The following ATXN7L1 variants were observed in gnomAD, a reference collection of about 807,000 sequenced individuals.
ATXN7L1 encodes the protein ataxin-7-like protein 1.
Under a neutral mutation model 70.8 loss-of-function variants are expected in ATXN7L1, and 15 were observed. The ratio of observed to expected loss-of-function variants is 0.21; its 90% CI spans 0.14 to 0.33. The LOEUF (loss-of-function observed/expected upper bound fraction) is 0.33. Among genes scored for constraint, ATXN7L1 ranks in the 10% least tolerant of loss-of-function variants. The pLI is 1.00. For missense variants in ATXN7L1, 975 were observed against 1,097.1 expected (o/e 0.89, Z 1.57); for synonymous variants, 440 against 445.1 (o/e 0.99, Z 0.14).
chr7:105,623,659 G>T lies in ATXN7L1; in HGVS notation c.1395+416C>A, dbSNP rs1313939052. 2.0e-5 allele frequency among the ~76,000 whole-genome samples: 3 copies of T among 152,130 alleles called. No individual in the cohort carries two copies. In the East Asian group the frequency reaches 5.8e-4, roughly 29 times the overall value. On this transcript the variant is annotated intron_variant, in intron 8 of 11. Transcript: ENST00000419735. The stretch of plus-strand genomic sequence containing the variant: ...AACAAGGGCTGGCCCCTGACACGCT[G>T]CTAAGACAGTTTCCAGAGTAGGTGA...
At chr7:105,656,734 C>G (rs1258735639) in intron 4 of ATXN7L1, among the ~76,000 whole-genome samples, 2 of 152,170 alleles carry the variant, frequency 1.3e-5, no homozygotes, top group Admixed American at 6.5e-5. Context: ...CTACACTCGG[C>G]TAATTTTTGT....
At chr7:105,739,841 C>T (rs1389323378) in intron 3 of ATXN7L1, among the ~76,000 whole-genome samples, 1 of 152,186 alleles carries the variant, frequency 6.6e-6, no homozygotes, top group Non-Finnish European at 1.5e-5. Flanking sequence ...TAGGTCTTTT[C>T]CTCTACTATT....
At chr7:105,829,463 AAAC>A (rs372938947) in intron 2 of ATXN7L1, among the ~76,000 whole-genome samples, 2 of 152,064 alleles carry the variant, frequency 1.3e-5, no homozygotes, top group African/African-American at 2.4e-5. Context: ...AAAAACAAAC[AAAC>A]AACAACAACA....
At chr7:105,838,271 G>A (rs761382787) in intron 2 of ATXN7L1, among the ~76,000 whole-genome samples, 10 of 152,226 alleles carry the variant, frequency 6.6e-5, no homozygotes, top group Non-Finnish European at 1.0e-4. Flanking sequence ...AGAAGGCTTC[G>A]GCTGAGCATG....
In ATXN7L1 at chr7:105,856,586, C is replaced by CAA. The variant is rs375731226; in HGVS notation, c.250+19224_250+19225dup. 2.6e-3 allele frequency among the ~76,000 whole-genome samples: 212 copies of CAA among 80,196 alleles called. 2 individuals are homozygous for CAA. Among genetic ancestry groups the CAA allele is most frequent in the Middle Eastern group, 0.014 (2 of 146 alleles). 52.6% of individuals were successfully genotyped at this position (80,196 alleles called of 152,430 possible). A position where few individuals can be genotyped will look rare whatever the true frequency, so the allele number is the denominator to read the frequency against. On this transcript the variant is annotated intron_variant, in intron 2 of 11. Coordinates refer to ENST00000419735, the MANE Select transcript of ATXN7L1 (RefSeq NM_020725.2). ...GGGCAACAAGAGTGAGACTCAGTCT[C>CAA]AAAAAAAAAAAAAAAAAGAATTTAA...
At chr7:105,728,117 G>T (rs1045719218) in intron 3 of ATXN7L1, among the ~76,000 whole-genome samples, 6 of 152,012 alleles carry the variant, frequency 3.9e-5, no homozygotes, top group African/African-American at 9.7e-5. Context: ...AAATTAAAAG[G>T]TATTTCCTTA....
At position 105,607,680 on chromosome 7, in the gene ATXN7L1, T is replaced by C. The variant is rs2115688241; in HGVS notation, c.*172A>G. On this transcript the variant is annotated 3_prime_UTR_variant, in exon 12 of 12. Transcript: ENST00000419735. ...ATCTCAAATTCACCTTCTTTTGCCT[T>C]TTTAACTAAAAATTGGTCAATTAAA... is the stretch of plus-strand genomic sequence containing the variant. 1 of 595,520 alleles carries C rather than the reference T, an allele frequency of 1.7e-6. No homozygotes were observed. The highest frequency in any genetic ancestry group is 2.8e-5 in the East Asian group (1 of 35,984). The allele number at this position is 595,520 out of a possible 1,614,324, so 36.9% of individuals were successfully genotyped here.
chr7:105,765,592 C>G (rs1801145711), intron 3 of ATXN7L1, among the ~76,000 whole-genome samples: 1 of 152,164 alleles, frequency 6.6e-6, no homozygotes. Flanking sequence ...GCTCATTAAA[C>G]TACTAATTGG....
chr7:105,876,378 T>C lies in ATXN7L1; in HGVS notation c.181A>G (p.Asn61Asp). 6.2e-7 allele frequency: 1 copy of C among 1,602,856 alleles called. No individual in the cohort carries two copies. The highest frequency in any genetic ancestry group is 8.5e-7 in the Non-Finnish European group (1 of 1,174,168). Residue 61 changes from asparagine to aspartate, a missense_variant and splice_region_variant, in exon 1 of 12, where the codon AAT (asparagine) becomes GAT (aspartate). By Grantham distance (23) the Asn-to-Asp change is conservative (BLOSUM62 1). Transcript: ENST00000419735. ...GAGGAGGAGGTGGTGGGGTTCTTAC[T>C]GTCGGAGCAGTGTAATTTGGCGGCG... ...IDAAKLHCSD[N>D]VDLEEAGKEG...
At chr7:105,730,589 G>T (rs1249266601) in intron 3 of ATXN7L1, among the ~76,000 whole-genome samples, 1 of 152,006 alleles carries the variant, frequency 6.6e-6, no homozygotes, top group South Asian at 2.1e-4. Flanking sequence ...AAAATTAGCT[G>T]GGCGTGGTGG....
intron 2 of ATXN7L1, among the ~76,000 whole-genome samples, chr7:105,859,985 G>A (rs1424159513): frequency 6.7e-6 from 1 of 149,956 alleles, no homozygotes. Flanking sequence ...GTTTCACCAT[G>A]TTGGCCAGGC....
intron 4 of ATXN7L1, among the ~76,000 whole-genome samples, chr7:105,647,337 T>C (rs976205436): frequency 6.6e-6 from 1 of 152,188 alleles, no homozygotes; most frequent in African/African-American, 2.4e-5. Flanking sequence ...CCAGAGCAAT[T>C]GTACAAATGG....
At chr7:105,682,616 A>G (rs1805682272) in intron 3 of ATXN7L1, among the ~76,000 whole-genome samples, 1 of 152,272 alleles carries the variant, frequency 6.6e-6, no homozygotes, top group Admixed American at 6.5e-5. Flanking sequence ...GGAATGAAGC[A>G]TGATACATGC....
At chr7:105,861,608 G>A (rs1333351040) in intron 2 of ATXN7L1, among the ~76,000 whole-genome samples, 1 of 152,100 alleles carries the variant, frequency 6.6e-6, no homozygotes, top group Non-Finnish European at 1.5e-5. Flanking sequence ...CCGGGGGTGG[G>A]ATGAGCACTC....
chr7:105,875,951 G>T, intron 1 of ATXN7L1, 71 bp from the exon 2 acceptor site: 2 of 1,313,824 alleles, frequency 1.5e-6, no homozygotes, highest in Non-Finnish European at 2.2e-6. Context: ...AGTCAAGGGG[G>T]GAGGGAGAGT....
chr7:105,845,761 T>G (rs1045233455), intron 2 of ATXN7L1, among the ~76,000 whole-genome samples: 1 of 152,196 alleles, frequency 6.6e-6, no homozygotes, highest in Non-Finnish European at 1.5e-5. Flanking sequence ...TATGGTCAAC[T>G]GATCTTCATC....
At chr7:105,700,140 C>T (rs1283613480) in intron 3 of ATXN7L1, among the ~76,000 whole-genome samples, 3 of 152,128 alleles carry the variant, frequency 2.0e-5, no homozygotes, top group African/African-American at 7.2e-5. Flanking sequence ...TACCTGTAAA[C>T]ACCTGCATGT....
chr7:105,739,237 T>G (rs751841614), intron 3 of ATXN7L1, among the ~76,000 whole-genome samples: 3 of 152,178 alleles, frequency 2.0e-5, no homozygotes, highest in Non-Finnish European at 4.4e-5. Context: ...TTTTTGCCAT[T>G]TTAAAAAATG....
At chr7:105,799,159 C>T (rs921388991) in intron 2 of ATXN7L1, among the ~76,000 whole-genome samples, 20 of 152,222 alleles carry the variant, frequency 1.3e-4, no homozygotes, top group African/African-American at 3.4e-4. Context: ...AGCCCTCCTG[C>T]GGTGCCTTAC....
Sources: allele counts gnomAD v4.1 joint callset (sites outside exome capture counted in the v4.1 genomes callset), GRCh38; gene constraint gnomAD v4.1.1; transcripts MANE v1.5; gene names NCBI Gene and HGNC (gene_info 2026-07-23, HGNC 2026-07-21).